CACNA1E: variants seen among roughly 807,000 people sequenced by gnomAD.
CACNA1E encodes the protein calcium voltage-gated channel subunit alpha1 E.
In CACNA1E, 40 loss-of-function variants were observed where a neutral mutation model predicts 259.2. That is an observed-to-expected ratio of 0.15 (90% CI 0.12 to 0.20). CACNA1E has a LOEUF of 0.20. Among genes scored for constraint, CACNA1E ranks in the 10% least tolerant of loss-of-function variants. The probability of loss-of-function intolerance (pLI) is 1.00; values close to 1 mark genes in which losing one functional copy is unlikely to be tolerated. For missense variants in CACNA1E, 1,874 were observed against 3,040.1 expected (o/e 0.62, Z 9.02); for synonymous variants, 1,104 against 1,138.5 (o/e 0.97, Z 0.61).
At chr1:181,341,054 A>G (rs1173876261) in intron 1 of CACNA1E, among the ~76,000 whole-genome samples, 1 of 152,044 alleles carries the variant, frequency 6.6e-6, no homozygotes, top group Admixed American at 6.6e-5. Flanking sequence ...ACCAGGAAGA[A>G]CTCAGGCCTC....
intron 6 of CACNA1E, among the ~76,000 whole-genome samples, chr1:181,585,385 A>T (rs1651956002): frequency 6.6e-6 from 1 of 152,206 alleles, no homozygotes; most frequent in African/African-American, 2.4e-5. Context: ...TCACTAACTC[A>T]TTCATTCACC....
At chr1:181,768,241 T>C (rs769754312) in intron 35 of CACNA1E, among the ~76,000 whole-genome samples, 19 of 152,326 alleles carry the variant, frequency 1.2e-4, no homozygotes, top group Non-Finnish European at 2.4e-4. Flanking sequence ...GTGATAATGC[T>C]GTTTATCATT....
intron 1 of CACNA1E, among the ~76,000 whole-genome samples, chr1:181,388,491 G>A (rs907774592): frequency 2.6e-5 from 4 of 152,164 alleles, no homozygotes; most frequent in Admixed American, 2.6e-4. Flanking sequence ...CTACAAATCT[G>A]TATGGCATGT....
chr1:181,752,102 C>G (rs750867148), intron 26 of CACNA1E, 41 bp from the exon 27 acceptor site: 2 of 1,311,216 alleles, frequency 1.5e-6, no homozygotes, highest in Admixed American at 3.4e-5. Context: ...TTTTATTTCT[C>G]CCCCATTCCA....
At chr1:181,550,141 T>G (rs1391175967) in intron 3 of CACNA1E, among the ~76,000 whole-genome samples, 1 of 152,082 alleles carries the variant, frequency 6.6e-6, no homozygotes. Flanking sequence ...CTGGGCTGTG[T>G]CAGTGGGACC....
At chr1:181,369,164 G>C (rs1169168485) in intron 1 of CACNA1E, among the ~76,000 whole-genome samples, 1 of 152,230 alleles carries the variant, frequency 6.6e-6, no homozygotes, top group African/African-American at 2.4e-5. Flanking sequence ...CCAGTGAATA[G>C]TTGTGTGTCA....
rs144646742 is a variant in CACNA1E, at chr1:181,724,687, C to T, written c.2142+150C>T. On this transcript the variant is annotated intron_variant, in intron 17 of 47. Transcript: ENST00000367573. Reference sequence around the variant, plus strand: ...ACTTCTGGACAGTTGGAGAGCCACACACCCATGACGGAAGGCTGGTTCACT... The same window carrying T: ...ACTTCTGGACAGTTGGAGAGCCACATACCCATGACGGAAGGCTGGTTCACT... 2.9e-3 allele frequency: 1,834 copies of T among 640,734 alleles called. 11 individuals carry two copies. Among genetic ancestry groups the T allele is most frequent in the Non-Finnish European group, 4.3e-3 (1,585 of 366,420 alleles). The allele number at this position is 640,734 out of a possible 1,614,324, so 39.7% of individuals were successfully genotyped here. A position where few individuals can be genotyped will look rare whatever the true frequency, so the allele number is the denominator to read the frequency against.
intron 16 of CACNA1E, among the ~76,000 whole-genome samples, chr1:181,723,509 C>T (rs142473799): frequency 3.3e-5 from 5 of 152,214 alleles, no homozygotes; most frequent in East Asian, 3.9e-4. Flanking sequence ...GCAAGCAATC[C>T]GGCAGTGGAT....
At chr1:181,510,377 G>T in intron 1 of CACNA1E, 100 bp from the exon 2 acceptor site, 1 of 769,178 alleles carries the variant, frequency 1.3e-6, no homozygotes, top group South Asian at 1.5e-5. Context: ...AAACTGCACA[G>T]ACACAATGCG....
chr1:181,372,299 T>C (rs1263389571), intron 1 of CACNA1E, among the ~76,000 whole-genome samples: 1 of 152,116 alleles, frequency 6.6e-6, no homozygotes, highest in Non-Finnish European at 1.5e-5. Flanking sequence ...GTTCTCATTG[T>C]AGTGAACTTT....
chr1:181,716,972 C>T, intron 10 of CACNA1E, 121 bp from the exon 11 acceptor site: 1 of 751,936 alleles, frequency 1.3e-6, no homozygotes. Context: ...ATTCCCCACA[C>T]CTGCAATGTG....
At chr1:181,528,343 A>G (rs1044674598) in intron 3 of CACNA1E, among the ~76,000 whole-genome samples, 11 of 152,170 alleles carry the variant, frequency 7.2e-5, no homozygotes, top group Non-Finnish European at 1.3e-4. Context: ...AGCCAAGTGG[A>G]ACTGGAAGTC....
At chr1:181,569,096 T>A (rs1572237169) in intron 3 of CACNA1E, among the ~76,000 whole-genome samples, 1 of 152,268 alleles carries the variant, frequency 6.6e-6, no homozygotes, top group African/African-American at 2.4e-5. Context: ...TTTTAGCTCA[T>A]CTGCCACTTC....
intron 2 of CACNA1E, among the ~76,000 whole-genome samples, chr1:181,421,792 T>C (rs943115749): frequency 2.0e-5 from 3 of 152,172 alleles, no homozygotes; most frequent in Non-Finnish European, 4.4e-5. Flanking sequence ...CTGCTACCAA[T>C]CTCTTCCAAG....
At chr1:181,594,579 A>G (rs749882372) in intron 6 of CACNA1E, among the ~76,000 whole-genome samples, 13 of 152,092 alleles carry the variant, frequency 8.5e-5, no homozygotes, top group African/African-American at 1.4e-4. Flanking sequence ...TTGTATTTTA[A>G]TAGAGACGGG....
At position 181,326,168 on chromosome 1, in the gene CACNA1E, C is replaced by T. The variant is rs1650778474; in HGVS notation, c.-15+8045C>T. Among the ~76,000 whole-genome samples, 3 of 152,072 alleles carry T rather than the reference C, an allele frequency of 2.0e-5. No individual in the cohort carries two copies. In the South Asian group the frequency reaches 6.2e-4, roughly 32 times the overall value. ...CCAGAAACTAGTTATATTGTATGTA[C>T]AGCTTTTTGAGGTACAGGAATTGTC... is the stretch of plus-strand genomic sequence containing the variant. On this transcript the variant is annotated intron_variant, in intron 1 of 11. Coordinates refer to the CACNA1E transcript ENST00000524607.
At chr1:181,385,197 C>T (rs1655752388) in intron 1 of CACNA1E, among the ~76,000 whole-genome samples, 1 of 152,216 alleles carries the variant, frequency 6.6e-6, no homozygotes, top group Non-Finnish European at 1.5e-5. Context: ...ACTCTTACCT[C>T]CTACACTGCC....
intron 1 of CACNA1E, among the ~76,000 whole-genome samples, chr1:181,327,805 A>G (rs1260586491): frequency 6.6e-6 from 1 of 152,212 alleles, no homozygotes; most frequent in Non-Finnish European, 1.5e-5. Flanking sequence ...GCTGCATAAT[A>G]AATCACCTCC....
In CACNA1E at chr1:181,753,006, CATGGGAGG is replaced by C. The variant is rs1657733586; in HGVS notation, c.3828+769_3828+776del. The stretch of plus-strand genomic sequence containing the variant: ...TTGCTGTTAGTGGAAGCTGAGGCTC[CATGGGAGG>C]AAAGTTCTTTCTCTCTGAATTCCTG... On this transcript the variant is annotated intron_variant, in intron 27 of 47. Transcript: ENST00000367573. Among the ~76,000 whole-genome samples the C allele has an allele frequency of 3.9e-5, 6 of 152,330 alleles. No homozygotes were observed. The South Asian group carries it at 1.2e-3, about 32-fold the overall frequency.
Sources: allele counts gnomAD v4.1 joint callset (sites outside exome capture counted in the v4.1 genomes callset), GRCh38; gene constraint gnomAD v4.1.1; transcripts MANE v1.5; gene names NCBI Gene and HGNC (gene_info 2026-07-23, HGNC 2026-07-21).